Variants in TENM4 observed in about 807,000 individuals in gnomAD.
TENM4 encodes teneurin transmembrane protein 4.
TENM4 carries 82 observed loss-of-function variants against 243.3 expected under a neutral mutation model. The ratio of observed to expected loss-of-function variants is 0.34; its 90% confidence interval spans 0.28 to 0.40. The LOEUF is 0.40. Among genes scored for constraint, TENM4 ranks in the 10% least tolerant of loss-of-function variants. The probability of loss-of-function intolerance (pLI) is 1.00; values close to 1 mark genes in which losing one functional copy is unlikely to be tolerated. For synonymous variants in TENM4, 1,412 were observed against 1,456.3 expected (o/e 0.97, Z 0.69); for missense variants, 3,138 against 3,673.3 (o/e 0.85, Z 3.77).
intron 2 of TENM4, among the ~76,000 whole-genome samples, chr11:79,237,919 C>G (rs1864510156): frequency 6.6e-6 from 1 of 152,116 alleles, no homozygotes; most frequent in Non-Finnish European, 1.5e-5. Context: ...CTTTCAGCCC[C>G]CTTCCTGTCC....
chr11:79,117,811 G>T (rs375578304), intron 4 of TENM4, among the ~76,000 whole-genome samples: 69 of 152,268 alleles, frequency 4.5e-4, no homozygotes, highest in African/African-American at 1.6e-3. Context: ...AGTAAAATGA[G>T]AATACCCACT....
At chr11:79,037,832 C>T (rs1859425785) in intron 6 of TENM4, among the ~76,000 whole-genome samples, 1 of 152,168 alleles carries the variant, frequency 6.6e-6, no homozygotes, top group South Asian at 2.1e-4. Context: ...TTCTAATAAA[C>T]TTTCATGAAT....
intron 1 of TENM4, among the ~76,000 whole-genome samples, chr11:79,425,518 G>A (rs1310630126): frequency 1.3e-5 from 2 of 152,124 alleles, no homozygotes; most frequent in Admixed American, 6.6e-5. Context: ...CTGAGTCCTA[G>A]AAAAGTGAAG....
rs145203397 is a variant in TENM4 at position 78,926,429 on chromosome 11, A to G, written c.494-22906T>C. ...GCTGGGATTACAAGTGCATGCTACC[A>G]CGCCTGGCTAATTTTTGTATTTTTA... On this transcript the variant is annotated intron_variant, in intron 6 of 33. Coordinates refer to ENST00000278550, the MANE Select transcript of TENM4 (RefSeq NM_001098816.3). Among the ~76,000 whole-genome samples, 517 of 152,072 alleles carry G rather than the reference A, an allele frequency of 3.4e-3. 3 individuals carry two copies. The highest frequency in any genetic ancestry group is 0.012 in the African/African-American group (504 of 41,470).
chr11:79,136,902 A>C (rs1292043821), intron 4 of TENM4, among the ~76,000 whole-genome samples: 1 of 152,174 alleles, frequency 6.6e-6, no homozygotes, highest in Non-Finnish European at 1.5e-5. Flanking sequence ...TTGAAGTCAC[A>C]GTTACAAAGC....
At chr11:79,377,301 C>G (rs1381671545) in intron 1 of TENM4, among the ~76,000 whole-genome samples, 1 of 152,134 alleles carries the variant, frequency 6.6e-6, no homozygotes, top group African/African-American at 2.4e-5. Flanking sequence ...TCTACATCAC[C>G]AAGTTTGTGG....
chr11:78,803,094 G>A (rs1344833176), intron 15 of TENM4, among the ~76,000 whole-genome samples: 1 of 150,794 alleles, frequency 6.6e-6, no homozygotes, highest in Non-Finnish European at 1.5e-5. Flanking sequence ...ACAGTGGCAC[G>A]ATCTCAGCTC....
chr11:78,875,910 G>C (rs544440729), intron 9 of TENM4, among the ~76,000 whole-genome samples: 132 of 152,332 alleles, frequency 8.7e-4, no homozygotes, highest in South Asian at 2.1e-3. Flanking sequence ...GGCTTTGCTG[G>C]GAGTGGCTGG....
At chr11:79,403,213 C>G (rs1858497950) in intron 1 of TENM4, among the ~76,000 whole-genome samples, 1 of 152,174 alleles carries the variant, frequency 6.6e-6, no homozygotes, top group Non-Finnish European at 1.5e-5. Flanking sequence ...ACCTACTAAC[C>G]AACGATTCTC....
At chr11:78,728,348 T>C (rs1465628351) in intron 22 of TENM4, among the ~76,000 whole-genome samples, 1 of 152,188 alleles carries the variant, frequency 6.6e-6, no homozygotes, top group Non-Finnish European at 1.5e-5. Context: ...GGTGACAATT[T>C]TTGACTCACA....
intron 1 of TENM4, among the ~76,000 whole-genome samples, chr11:79,411,301 T>A (rs1215424903): frequency 1.3e-5 from 2 of 152,212 alleles, no homozygotes; most frequent in South Asian, 4.1e-4. Context: ...ATATAAACCC[T>A]TGTGCTAAAT....
At chr11:79,209,805 G>T (rs1863923713) in intron 3 of TENM4, among the ~76,000 whole-genome samples, 1 of 152,226 alleles carries the variant, frequency 6.6e-6, no homozygotes, top group African/African-American at 2.4e-5. Flanking sequence ...TGTGGGGAAA[G>T]TATGGTATTT....
intron 2 of TENM4, among the ~76,000 whole-genome samples, chr11:79,240,546 G>A (rs1864570458): frequency 6.6e-6 from 1 of 151,966 alleles, no homozygotes; most frequent in South Asian, 2.1e-4. Flanking sequence ...ACTCATCCAA[G>A]GTCACACAAC....
intron 26 of TENM4, among the ~76,000 whole-genome samples, chr11:78,711,319 G>A (rs999200827): frequency 3.3e-5 from 5 of 152,138 alleles, no homozygotes; most frequent in Admixed American, 3.3e-4. Flanking sequence ...GGGTACTACT[G>A]CGCTAAGCAT....
At chr11:79,197,115 T>C (rs1036052799) in intron 3 of TENM4, among the ~76,000 whole-genome samples, 2 of 152,186 alleles carry the variant, frequency 1.3e-5, no homozygotes, top group Admixed American at 6.5e-5. Context: ...CTGGTTTCTC[T>C]TGGAGGCAAA....
rs958889472 is a variant in TENM4, at chr11:79,118,867, T to C, written c.-66+29843A>G. Among the ~76,000 whole-genome samples the C allele has an allele frequency of 1.3e-4, 20 of 152,220 alleles. 1 individual carries two copies. The highest frequency in any genetic ancestry group is 8.8e-5 in the Non-Finnish European group (6 of 68,040). ...ATTGCAAATAATGCTGCTATGTCCATGGACATATAGACCTCTCTTTGAGAC... is the reference window on the plus strand; with the variant it reads ...ATTGCAAATAATGCTGCTATGTCCACGGACATATAGACCTCTCTTTGAGAC... On this transcript the variant is annotated intron_variant, in intron 4 of 33. Transcript: ENST00000278550.
At chr11:78,930,881 G>T (rs913808536) in intron 6 of TENM4, among the ~76,000 whole-genome samples, 1 of 152,206 alleles carries the variant, frequency 6.6e-6, no homozygotes, top group African/African-American at 2.4e-5. Flanking sequence ...TCAGAGGCAG[G>T]AAGCTATCGT....
chr11:78,733,084 C>G (rs540615563), intron 20 of TENM4, among the ~76,000 whole-genome samples: 1 of 152,210 alleles, frequency 6.6e-6, no homozygotes, highest in Admixed American at 6.5e-5. Flanking sequence ...TCTTAAGTCT[C>G]TAAGATTCTA....
intron 18 of TENM4, among the ~76,000 whole-genome samples, chr11:78,765,076 C>T (rs747255444): frequency 6.6e-6 from 1 of 152,184 alleles, no homozygotes; most frequent in Non-Finnish European, 1.5e-5. Flanking sequence ...CTTAACTCTT[C>T]CTTGGCTTGA....
Sources: gnomAD v4.1 joint callset for allele counts (sites outside exome capture counted in the v4.1 genomes callset) on GRCh38, gnomAD v4.1.1 for gene constraint, MANE v1.5 for transcripts, NCBI Gene and HGNC (gene_info 2026-07-23, HGNC 2026-07-21) for gene names.